STX3: variants seen among roughly 807,000 people sequenced by gnomAD.
STX3 encodes syntaxin-3.
STX3 carries 19 observed loss-of-function variants against 40.2 expected under a neutral mutation model. The observed-to-expected ratio is 0.47, with a 90% CI of 0.33 to 0.69. The LOEUF (loss-of-function observed/expected upper bound fraction) is 0.69. Among genes scored for constraint, STX3 ranks in the 30% least tolerant of loss-of-function variants. The pLI, the probability that STX3 is intolerant of heterozygous loss-of-function variation, is 0.02. For synonymous variants in STX3, 122 were observed against 132.2 expected (o/e 0.92, Z 0.53); for missense variants, 364 against 366.7 (o/e 0.99, Z 0.06).
At chr11:59,790,888 A>G (rs1014263157) in intron 5 of STX3, among the ~76,000 whole-genome samples, 13 of 152,084 alleles carry the variant, frequency 8.5e-5, no homozygotes, top group Admixed American at 3.9e-4. Flanking sequence ...TCTTCTAACA[A>G]TTGTTAGTCA....
intron 1 of STX3, among the ~76,000 whole-genome samples, chr11:59,762,431 G>T (rs1863083320): frequency 6.6e-6 from 1 of 152,194 alleles, no homozygotes; most frequent in African/African-American, 2.4e-5. Context: ...ACTGGCCTAG[G>T]GATTAACTGT....
chr11:59,792,374 G>C (rs1329424718), intron 6 of STX3, among the ~76,000 whole-genome samples, 159 bp downstream of exon 6: 1 of 152,212 alleles, frequency 6.6e-6, no homozygotes, highest in Non-Finnish European at 1.5e-5. Flanking sequence ...CTGTGCTGTA[G>C]GCTGAAAGGT....
intron 7 of STX3, 53 bp from the exon 8 acceptor site, chr11:59,793,327 G>A (rs948566960): frequency 6.2e-7 from 1 of 1,602,468 alleles, no homozygotes; most frequent in Non-Finnish European, 8.5e-7. Context: ...GGCTGTGGCA[G>A]GGGCAGCCTT....
At chr11:59,771,861 G>A (rs1863668156) in intron 1 of STX3, among the ~76,000 whole-genome samples, 1 of 152,164 alleles carries the variant, frequency 6.6e-6, no homozygotes, top group South Asian at 2.1e-4. Context: ...TCAGTTCTGA[G>A]TTTAGGGAAG....
In STX3 at chr11:59,805,852, G is replaced by A. The variant is rs1483607711; in HGVS notation, c.*5028G>A. On this transcript the variant is annotated 3_prime_UTR_variant, in exon 11 of 11. Transcript: ENST00000337979. ...AAGATTGTGAGAAGATGGGTAGCTGGGCATCAATAAATATTGAATCAATTG... is the reference window on the plus strand; with the variant it reads ...AAGATTGTGAGAAGATGGGTAGCTGAGCATCAATAAATATTGAATCAATTG... The A allele has an allele frequency of 6.5e-6, 1 of 153,082 alleles. No individual in the cohort carries two copies. Among genetic ancestry groups the A allele is most frequent in the Non-Finnish European group, 1.5e-5 (1 of 68,692 alleles). The allele number at this position is 153,082 out of a possible 1,614,324, so 9.5% of individuals were successfully genotyped here.
intron 6 of STX3, 79 bp from the exon 7 acceptor site, chr11:59,793,020 T>A: frequency 6.9e-7 from 1 of 1,439,180 alleles, no homozygotes; most frequent in Non-Finnish European, 9.6e-7. Flanking sequence ...GGAAGTCACG[T>A]TCCTAATTTT....
At position 59,761,831 on chromosome 11, in the gene STX3, T is replaced by A. The variant is rs528308446; in HGVS notation, c.30+6196T>A. On this transcript the variant is annotated intron_variant, in intron 1 of 10. Coordinates refer to ENST00000337979, the MANE Select transcript of STX3 (RefSeq NM_004177.5). ...TATGGCATCAGGGTTTTTTTTTTTTTAATAAATTTTTAAGTTTTAGCCTAC... is the reference window on the plus strand; with the variant it reads ...TATGGCATCAGGGTTTTTTTTTTTTAAATAAATTTTTAAGTTTTAGCCTAC... Among the ~76,000 whole-genome samples, 35 of 152,072 alleles carry A rather than the reference T, an allele frequency of 2.3e-4. No homozygotes were observed. The South Asian group carries it at 3.1e-3, about 14-fold the overall frequency.
chr11:59,783,076 TA>T (rs112662192), intron 2 of STX3, among the ~76,000 whole-genome samples: 15,744 of 151,220 alleles, frequency 0.1, 1,133 homozygotes, highest in African/African-American at 0.2. Flanking sequence ...CATGGTGATT[TA>T]AAAAAAAACA....
chr11:59,761,209 G>A (rs1863017089), intron 1 of STX3, among the ~76,000 whole-genome samples: 1 of 152,160 alleles, frequency 6.6e-6, no homozygotes, highest in Admixed American at 6.5e-5. Context: ...TATTTAGAAA[G>A]ACAATGAAGG....
At position 59,803,133 on chromosome 11, in the gene STX3, T is replaced by C. The variant is rs1238576266; in HGVS notation, c.*2309T>C. 3.3e-6 allele frequency: 4 copies of C among 1,230,292 alleles called. No homozygotes were observed. The highest frequency in any genetic ancestry group is 4.1e-6 in the Non-Finnish European group (4 of 987,276). The allele number at this position is 1,230,292 out of a possible 1,614,324, so 76.2% of individuals were successfully genotyped here. On this transcript the variant is annotated 3_prime_UTR_variant, in exon 11 of 11. Transcript: ENST00000337979. The stretch of plus-strand genomic sequence containing the variant: ...CTCTCTTCCTTCACACCCTCTTCCA[T>C]GTCCACATGCACTTATCTCCCTGCA...
intron 2 of STX3, among the ~76,000 whole-genome samples, chr11:59,778,226 C>G (rs1864107553): frequency 6.6e-6 from 1 of 152,158 alleles, no homozygotes; most frequent in South Asian, 2.1e-4. Context: ...TGTTTTGAAA[C>G]CACCAGAGTC....
At chr11:59,775,936 A>C (rs765558491) in intron 2 of STX3, among the ~76,000 whole-genome samples, 1 of 152,254 alleles carries the variant, frequency 6.6e-6, no homozygotes, top group Non-Finnish European at 1.5e-5. Flanking sequence ...ATTAAATTCC[A>C]TATCTGCCAC....
chr11:59,793,532 C>T lies in STX3; in HGVS notation c.675+18C>T, dbSNP rs541796859. 3 of 1,607,106 alleles carry T rather than the reference C, an allele frequency of 1.9e-6. No homozygotes were observed. Among genetic ancestry groups the T allele is most frequent in the South Asian group, 2.2e-5 (2 of 90,610 alleles). ...AGAATCAGGTAAGTGGCAGTGAGTC[C>T]CAGCGTGGGGAGGGAGGAGAGGAAA... On this transcript the variant is annotated intron_variant, in intron 8 of 10. Coordinates refer to ENST00000337979, the MANE Select transcript of STX3 (RefSeq NM_004177.5).
intron 1 of STX3, among the ~76,000 whole-genome samples, chr11:59,757,660 G>C (rs1862793434): frequency 1.3e-5 from 2 of 152,186 alleles, no homozygotes. Context: ...GGTGGCTTCT[G>C]TAGCGTCTTG....
chr11:59,789,062 A>C (rs748068339), intron 4 of STX3, 115 bp downstream of exon 4: 5 of 918,874 alleles, frequency 5.4e-6, no homozygotes, highest in Non-Finnish European at 8.2e-6. Context: ...CACTTGGTCC[A>C]TCTTTGCTTG....
intron 2 of STX3, among the ~76,000 whole-genome samples, chr11:59,780,745 G>GC (rs907891582): frequency 6.6e-6 from 1 of 152,142 alleles, no homozygotes; most frequent in African/African-American, 2.4e-5. Flanking sequence ...TTTTCAGAGT[G>GC]CCCCAGCAAA....
At chr11:59,777,437 TTTTAGAAAA>T (rs1864030096) in intron 2 of STX3, among the ~76,000 whole-genome samples, 1 of 152,160 alleles carries the variant, frequency 6.6e-6, no homozygotes, top group Non-Finnish European at 1.5e-5. Context: ...TCAGAGTGTG[TTTTAGAAAA>T]TTCACTCCGA....
chr11:59,761,431 A>T (rs1863027981), intron 1 of STX3, among the ~76,000 whole-genome samples: 1 of 152,158 alleles, frequency 6.6e-6, no homozygotes, highest in Non-Finnish European at 1.5e-5. Context: ...TGGCTCTGTT[A>T]GTTCTTGTGC....
At chr11:59,793,034 G>C in intron 6 of STX3, 65 bp from the exon 7 acceptor site, 3 of 1,533,770 alleles carry the variant, frequency 2.0e-6, no homozygotes, top group Admixed American at 1.8e-5. Context: ...TAATTTTCAG[G>C]GTCCTTATCA....
Sources: gnomAD v4.1 joint callset for allele counts (sites outside exome capture counted in the v4.1 genomes callset) on GRCh38, gnomAD v4.1.1 for gene constraint, MANE v1.5 for transcripts, NCBI Gene and HGNC (gene_info 2026-07-23, HGNC 2026-07-21) for gene names.